Variants in CAMTA1 observed in about 807,000 individuals in gnomAD.
The protein encoded by CAMTA1 is calmodulin binding transcription activator 1.
In CAMTA1, 27 loss-of-function variants were observed where a neutral mutation model predicts 170.9. That is an observed-to-expected ratio of 0.16 (90% CI 0.12 to 0.22). The LOEUF (loss-of-function observed/expected upper bound fraction) is 0.22. Among genes scored for constraint, CAMTA1 ranks in the 10% least tolerant of loss-of-function variants. The pLI, the probability that CAMTA1 is intolerant of heterozygous loss-of-function variation, is 1.00. For missense variants in CAMTA1, 1,619 were observed against 2,217.2 expected (o/e 0.73, Z 5.42); for synonymous variants, 833 against 891.5 (o/e 0.93, Z 1.17).
chr1:6,956,212 TCTCCTATCA>T (rs1390989056), intron 3 of CAMTA1, among the ~76,000 whole-genome samples: 1 of 152,104 alleles, frequency 6.6e-6, no homozygotes, highest in Non-Finnish European at 1.5e-5. Flanking sequence ...GGGTCCCTGA[TCTCCTATCA>T]GCACCCTAGT....
chr1:7,398,027 T>C (rs911960337), intron 5 of CAMTA1, among the ~76,000 whole-genome samples: 2 of 151,104 alleles, frequency 1.3e-5, no homozygotes, highest in Non-Finnish European at 3.0e-5. Flanking sequence ...TTAAATATAA[T>C]GTTTCTATGT....
chr1:7,758,652 T>G (rs2096949689), intron 22 of CAMTA1, among the ~76,000 whole-genome samples: 1 of 152,184 alleles, frequency 6.6e-6, no homozygotes, highest in Non-Finnish European at 1.5e-5. Context: ...TACTTATTTT[T>G]GGGCCGGGCG....
In CAMTA1 at chr1:7,309,352, T is replaced by A. The variant is rs1292818436; in HGVS notation, c.438+59726T>A. 5.4e-5 allele frequency among the ~76,000 whole-genome samples: 7 copies of A among 130,300 alleles called. No individual in the cohort carries two copies. The South Asian group carries it at 1.9e-3, about 35-fold the overall frequency. 85.5% of individuals were successfully genotyped at this position (130,300 alleles called of 152,430 possible). ...TCTCGCTCTGTCGCCCAGGCTGGAG[T>A]GCAGTGACACGATCTCAGCTCACTG... is the stretch of plus-strand genomic sequence containing the variant. On this transcript the variant is annotated intron_variant, in intron 5 of 22. Coordinates refer to ENST00000303635, the MANE Select transcript of CAMTA1 (RefSeq NM_015215.4).
chr1:7,221,090 C>A (rs1011690837), intron 4 of CAMTA1, among the ~76,000 whole-genome samples: 7 of 152,194 alleles, frequency 4.6e-5, no homozygotes, highest in African/African-American at 1.7e-4. Flanking sequence ...ATGAATGGCC[C>A]GGCTTTCTCA....
At chr1:7,468,374 G>C (rs1007622912) in intron 6 of CAMTA1, among the ~76,000 whole-genome samples, 2 of 152,222 alleles carry the variant, frequency 1.3e-5, no homozygotes, top group South Asian at 2.1e-4. Flanking sequence ...CTCCGTAATC[G>C]ATTTGTGATG....
intron 7 of CAMTA1, among the ~76,000 whole-genome samples, chr1:7,658,351 G>A (rs2095923763): frequency 6.6e-6 from 1 of 152,128 alleles, no homozygotes; most frequent in African/African-American, 2.4e-5. Flanking sequence ...AACAGCATGT[G>A]AGACAGAGCT....
intron 6 of CAMTA1, among the ~76,000 whole-genome samples, chr1:7,535,940 A>G (rs2094544221): frequency 6.6e-6 from 1 of 152,200 alleles, no homozygotes; most frequent in Non-Finnish European, 1.5e-5. Flanking sequence ...TTTGAATCAG[A>G]ACAAAATGCA....
chr1:7,016,272 C>T (rs1305434899), intron 3 of CAMTA1, among the ~76,000 whole-genome samples: 1 of 152,078 alleles, frequency 6.6e-6, no homozygotes, highest in Non-Finnish European at 1.5e-5. Context: ...TGGCTGGGTA[C>T]GCGTCCTGTC....
chr1:7,147,274 A>ATT (rs1646256688), intron 4 of CAMTA1, among the ~76,000 whole-genome samples: 1 of 151,944 alleles, frequency 6.6e-6, no homozygotes, highest in Admixed American at 6.6e-5. Flanking sequence ...CAAAAACAAA[A>ATT]TTAGCTGGGT....
intron 3 of CAMTA1, among the ~76,000 whole-genome samples, chr1:6,893,766 G>T (rs1044688307): frequency 2.0e-5 from 3 of 152,154 alleles, no homozygotes; most frequent in African/African-American, 7.2e-5. Flanking sequence ...TATTCCGTTT[G>T]TCAGGCTGCG....
intron 7 of CAMTA1, among the ~76,000 whole-genome samples, chr1:7,645,617 C>T (rs530832487): frequency 1.3e-5 from 2 of 152,224 alleles, no homozygotes; most frequent in African/African-American, 2.4e-5. Flanking sequence ...CTGCAGGCTT[C>T]GAAGGCCCGG....
intron 6 of CAMTA1, among the ~76,000 whole-genome samples, chr1:7,479,631 C>T (rs1047092013): frequency 6.6e-6 from 1 of 152,186 alleles, no homozygotes; most frequent in Non-Finnish European, 1.5e-5. Context: ...CTGGTGCTGG[C>T]GAGCCTCCTG....
intron 7 of CAMTA1, among the ~76,000 whole-genome samples, chr1:7,646,592 C>T (rs867161766): frequency 6.3e-5 from 9 of 143,734 alleles, no homozygotes; most frequent in Middle Eastern, 3.5e-3. Context: ...TGGGTGGAGG[C>T]TCTGGTGGGT....
At chr1:6,793,523 C>CT (rs1281636325) in intron 1 of CAMTA1, among the ~76,000 whole-genome samples, 1 of 152,204 alleles carries the variant, frequency 6.6e-6, no homozygotes, top group Non-Finnish European at 1.5e-5. Flanking sequence ...AGTCATGACT[C>CT]TTTCTCCATG....
In CAMTA1 at chr1:6,886,456, G is replaced by A. The variant is rs144718860; in HGVS notation, c.234+61246G>A. The A allele has an allele frequency of 3.2e-3, 1,177 of 365,282 alleles. 3 individuals are homozygous for A. Among genetic ancestry groups the A allele is most frequent in the Non-Finnish European group, 4.0e-3 (745 of 188,028 alleles). The allele number at this position is 365,282 out of a possible 1,614,324, so 22.6% of individuals were successfully genotyped here. ...GGGAAATAGGCCATAAATGTCACTC[G>A]TGCTTTCCTTGTAAGAAGCCCACAG... On this transcript the variant is annotated intron_variant, in intron 3 of 22. Coordinates refer to ENST00000303635, the MANE Select transcript of CAMTA1 (RefSeq NM_015215.4).
chr1:6,987,605 A>G (rs1695573353), intron 3 of CAMTA1, among the ~76,000 whole-genome samples: 1 of 152,230 alleles, frequency 6.6e-6, no homozygotes, highest in African/African-American at 2.4e-5. Flanking sequence ...AATTAGCTGG[A>G]AGGAAGAAGT....
At chr1:7,141,614 A>G (rs897154179) in intron 4 of CAMTA1, among the ~76,000 whole-genome samples, 1 of 152,236 alleles carries the variant, frequency 6.6e-6, no homozygotes, top group African/African-American at 2.4e-5. Flanking sequence ...CGTCAGCATC[A>G]GCACACTCAG....
intron 3 of CAMTA1, among the ~76,000 whole-genome samples, chr1:7,011,715 G>A (rs1449368705): frequency 1.3e-5 from 2 of 151,888 alleles, no homozygotes; most frequent in East Asian, 1.9e-4. Flanking sequence ...TTTGGTCCAC[G>A]TCCCCCACTA....
At chr1:7,021,112 G>T (rs1321385536) in intron 3 of CAMTA1, among the ~76,000 whole-genome samples, 1 of 152,238 alleles carries the variant, frequency 6.6e-6, no homozygotes, top group East Asian at 1.9e-4. Context: ...CCATACAACT[G>T]CAGGTGTCAG....
Sources: allele counts gnomAD v4.1 joint callset (sites outside exome capture counted in the v4.1 genomes callset), GRCh38; gene constraint gnomAD v4.1.1; transcripts MANE v1.5; gene names NCBI Gene and HGNC (gene_info 2026-07-23, HGNC 2026-07-21).